Variants in DHRS12 observed in about 807,000 individuals in gnomAD.
The protein encoded by DHRS12 is dehydrogenase/reductase SDR family member 12.
DHRS12 carries 29 observed loss-of-function variants against 32.1 expected under a neutral mutation model. That is an observed-to-expected ratio of 0.90 (90% CI 0.67 to 1.23). The LOEUF (loss-of-function observed/expected upper bound fraction) is 1.23. Among genes scored for constraint, DHRS12 ranks in the 50% most tolerant of loss-of-function variants. The pLI is 0.00. For missense variants in DHRS12, 330 were observed against 337.2 expected (o/e 0.98, Z 0.17); for synonymous variants, 150 against 135.9 (o/e 1.10, Z -0.72).
At chr13:51,756,574 A>G in the DHRS12 span, 1 of 1,439,988 alleles carries the variant, frequency 6.9e-7, no homozygotes, top group Non-Finnish European at 9.1e-7. Context: ...GCTGGTTTAG[A>G]ATATAGTCCA....
At chr13:51,755,275 C>A in the DHRS12 span, 1 of 1,262,964 alleles carries the variant, frequency 7.9e-7, no homozygotes, top group Non-Finnish European at 1.2e-6. Flanking sequence ...ATCCTGATAG[C>A]TCCATAAGTT....
intron 2 of DHRS12, among the ~76,000 whole-genome samples, chr13:51,796,573 T>A (rs1955520524): frequency 6.6e-6 from 1 of 152,118 alleles, no homozygotes. Context: ...GCCAAACAGA[T>A]CCATATTATC....
chr13:51,756,302 A>G, the DHRS12 span: 1 of 1,600,034 alleles, frequency 6.2e-7, no homozygotes, highest in Non-Finnish European at 8.5e-7. Context: ...GGGAGCCGTG[A>G]TGAGTATCTA....
At chr13:51,768,684 GTCT>G in intron 8 of DHRS12, 1 of 1,128,660 alleles carries the variant, frequency 8.9e-7, no homozygotes, top group Non-Finnish European at 1.1e-6. Context: ...GTCAAGTGCT[GTCT>G]TCGGATGGCG....
At chr13:51,767,651 C>G (rs1953791776), downstream of DHRS12, 1 of 154,184 alleles carries the variant, frequency 6.5e-6, no homozygotes, top group Non-Finnish European at 1.4e-5. Context: ...ATTACTGAAG[C>G]CACTCCTAAT....
intron 4 of DHRS12, among the ~76,000 whole-genome samples, chr13:51,789,354 G>A (rs79820398): frequency 0.033 from 5,003 of 152,262 alleles, 170 homozygotes; most frequent in East Asian, 0.087. Context: ...TAAAAGCATA[G>A]TACATTAGCT....
chr13:51,777,155 G>A (rs779840102), intron 4 of DHRS12, 34 bp from the exon 5 acceptor site: 8 of 1,611,956 alleles, frequency 5.0e-6, no homozygotes, highest in Non-Finnish European at 8.5e-7. Flanking sequence ...TGAGGGGGCT[G>A]CAGGAAGCCC....
the DHRS12 span, chr13:51,761,044 C>T: frequency 1.3e-5 from 2 of 152,208 alleles, no homozygotes; most frequent in East Asian, 3.8e-4. Context: ...AGATTGTAAT[C>T]CTGCTGTATT....
At chr13:51,800,383 C>T (rs1337286519) in intron 1 of DHRS12, among the ~76,000 whole-genome samples, 1 of 152,212 alleles carries the variant, frequency 6.6e-6, no homozygotes, top group Non-Finnish European at 1.5e-5. Flanking sequence ...ATTCCTTTTG[C>T]GATACCTCTC....
intron 4 of DHRS12, among the ~76,000 whole-genome samples, chr13:51,784,327 C>T (rs1347950477): frequency 6.6e-6 from 1 of 152,154 alleles, no homozygotes; most frequent in Non-Finnish European, 1.5e-5. Flanking sequence ...GGAATGTGTC[C>T]AGCAGAGTCA....
chr13:51,770,383 T>A (rs1953955576), intron 7 of DHRS12, among the ~76,000 whole-genome samples: 1 of 152,128 alleles, frequency 6.6e-6, no homozygotes, highest in Admixed American at 6.5e-5. Context: ...ACCCAGATGA[T>A]AGAGCCCGCT....
intron 2 of DHRS12, among the ~76,000 whole-genome samples, chr13:51,797,646 C>G (rs937357670): frequency 6.6e-6 from 1 of 152,176 alleles, no homozygotes; most frequent in African/African-American, 2.4e-5. Flanking sequence ...CCACTTATCC[C>G]CTTGTCAAAC....
At chr13:51,797,068 A>G (rs1244027511) in intron 2 of DHRS12, among the ~76,000 whole-genome samples, 1 of 152,152 alleles carries the variant, frequency 6.6e-6, no homozygotes, top group Admixed American at 6.5e-5. Context: ...AGAGGTAGGA[A>G]TGGAATGAGG....
At chr13:51,768,560 A>G (rs1403824445) in intron 8 of DHRS12, 1 of 1,332,238 alleles carries the variant, frequency 7.5e-7, no homozygotes, top group Non-Finnish European at 9.6e-7. Flanking sequence ...GGGTGCGGCC[A>G]TCCTCCCGGA....
downstream of DHRS12, chr13:51,762,998 C>T (rs1191711083): frequency 6.6e-6 from 1 of 152,116 alleles, no homozygotes; most frequent in Admixed American, 6.5e-5. Context: ...GGGGTCAATC[C>T]ACCATAACGT....
At chr13:51,774,144 G>C (rs922249480) in intron 5 of DHRS12, 110 bp from the exon 6 acceptor site, 23 of 866,564 alleles carry the variant, frequency 2.7e-5, no homozygotes, top group Admixed American at 8.6e-5. Context: ...CACAAAATTA[G>C]TGGCTTGAAG....
At chr13:51,767,969 T>TAAG, downstream of DHRS12, 1 of 1,355,906 alleles carries the variant, frequency 7.4e-7, no homozygotes, top group Non-Finnish European at 9.5e-7. Context: ...AGACTTAAAA[T>TAAG]AAGAAAAGAA....
chr13:51,770,610 G>A (rs999584680), intron 7 of DHRS12, among the ~76,000 whole-genome samples: 1 of 152,202 alleles, frequency 6.6e-6, no homozygotes, highest in African/African-American at 2.4e-5. Flanking sequence ...ATACTTTGCT[G>A]AGAACATCCT....
At chr13:51,792,750 T>C (rs1185583177) in intron 2 of DHRS12, among the ~76,000 whole-genome samples, 1 of 152,240 alleles carries the variant, frequency 6.6e-6, no homozygotes, top group Non-Finnish European at 1.5e-5. Context: ...TTCAAGTCTT[T>C]AGACCATTTT....
Sources: allele counts gnomAD v4.1 joint callset (sites outside exome capture counted in the v4.1 genomes callset), GRCh38; gene constraint gnomAD v4.1.1; transcripts MANE v1.5; gene names NCBI Gene and HGNC (gene_info 2026-07-23, HGNC 2026-07-21).